COPS8: variants seen among roughly 807,000 people sequenced by gnomAD.
The protein encoded by COPS8 is COP9 signalosome complex subunit 8.
A neutral mutation model predicts 31.5 loss-of-function variants in COPS8; 11 were observed. That is an observed-to-expected ratio of 0.35 (90% confidence interval 0.22 to 0.58). The LOEUF (loss-of-function observed/expected upper bound fraction) is 0.58. Among genes scored for constraint, COPS8 ranks in the 20% least tolerant of loss-of-function variants. The pLI, the probability that COPS8 is intolerant of heterozygous loss-of-function variation, is 0.83. For synonymous variants in COPS8, 81 were observed against 89.3 expected, an observed-to-expected ratio of 0.91 and a Z score of 0.52; for missense variants, 215 against 255.1, an observed-to-expected ratio of 0.84 and a Z score of 1.07.
intron 1 of COPS8, 143 bp from the exon 2 acceptor site, chr2:237,086,984 G>A (rs966500018): frequency 3.4e-6 from 2 of 580,468 alleles, no homozygotes; most frequent in Non-Finnish European, 5.8e-6. Context: ...AGGACTATAA[G>A]ATTACTTATA....
intron 5 of COPS8, 134 bp downstream of exon 5, chr2:237,094,331 A>G: frequency 1.3e-6 from 1 of 789,698 alleles, no homozygotes; most frequent in East Asian, 2.7e-5. Context: ...GAGAGGTGAT[A>G]TGAAACAGGT....
rs114967619 is a variant in COPS8, at chr2:237,098,336, A to T, written c.*594A>T. On this transcript the variant is annotated 3_prime_UTR_variant, in exon 8 of 8. Coordinates refer to ENST00000354371, the MANE Select transcript of COPS8 (RefSeq NM_006710.5). ...TTTTTCCAATAGTGTGAGTATATCCATTGCTGGCAGTGGAGGGCTTGCCAT... is the reference window on the plus strand; with the variant it reads ...TTTTTCCAATAGTGTGAGTATATCCTTTGCTGGCAGTGGAGGGCTTGCCAT... The T allele has an allele frequency of 1.3e-5, 2 of 152,330 alleles. No homozygotes were observed. Among genetic ancestry groups the T allele is most frequent in the South Asian group, 4.1e-4 (2 of 4,844 alleles). The allele number at this position is 152,330 out of a possible 1,614,324, so 9.4% of individuals were successfully genotyped here. A position where few individuals can be genotyped will look rare whatever the true frequency, so the allele number is the denominator to read the frequency against.
intron 4 of COPS8, among the ~76,000 whole-genome samples, chr2:237,091,589 T>G (rs1274053580): frequency 6.6e-6 from 1 of 152,240 alleles, no homozygotes; most frequent in East Asian, 1.9e-4. Context: ...ATTAGAAACT[T>G]ATTTTCTAGT....
rs977447011 is a variant in COPS8, at chr2:237,098,296, T to C, written c.*554T>C. The C allele has an allele frequency of 1.3e-5, 2 of 152,460 alleles. No individual in the cohort carries two copies. Among genetic ancestry groups the C allele is most frequent in the African/African-American group, 4.8e-5 (2 of 41,452 alleles). The allele number at this position is 152,460 out of a possible 1,614,324, so 9.4% of individuals were successfully genotyped here. ...TAGACCATTTCCATACTAAACCAGT[T>C]TGTTAACTTTAGATTTTTTCCAATA... is the stretch of plus-strand genomic sequence containing the variant. On this transcript the variant is annotated 3_prime_UTR_variant, in exon 8 of 8. Coordinates refer to ENST00000354371, the MANE Select transcript of COPS8 (RefSeq NM_006710.5).
At chr2:237,088,495 T>TA in intron 2 of COPS8, 110 bp from the exon 3 acceptor site, 1 of 608,004 alleles carries the variant, frequency 1.6e-6, no homozygotes, top group Non-Finnish European at 2.8e-6. Context: ...TACTTTGTGT[T>TA]ATGTGAAGTA....
Position 237,095,806 on chromosome 2 carries a change from T to C in COPS8, c.440-16T>C. The C allele has an allele frequency of 1.9e-6, 3 of 1,571,924 alleles. No individual in the cohort carries two copies. Among genetic ancestry groups the C allele is most frequent in the Non-Finnish European group, 2.6e-6 (3 of 1,141,516 alleles). The stretch of plus-strand genomic sequence containing the variant: ...TTTATTCTTTCCGGATCTTTATGTG[T>C]AATATACTTTTTTAGGCATATTAGA... On this transcript the variant is annotated splice_polypyrimidine_tract_variant and intron_variant, in intron 5 of 7. Transcript: ENST00000354371.
chr2:237,097,004 C>T (rs551347853), intron 7 of COPS8, 135 bp downstream of exon 7: 11 of 673,134 alleles, frequency 1.6e-5, no homozygotes, highest in Admixed American at 8.8e-5. Flanking sequence ...TTCATAAATG[C>T]GTAGTAATAC....
intron 1 of COPS8, 132 bp downstream of exon 1, chr2:237,086,174 G>T: frequency 1.2e-6 from 1 of 860,808 alleles, no homozygotes; most frequent in African/African-American, 1.7e-5. Flanking sequence ...GGAGGTGGAC[G>T]TGTGGATCCC....
At position 237,090,041 on chromosome 2, in the gene COPS8, C is replaced by T. The variant is rs781254788; in HGVS notation, c.331+47C>T. 7 of 1,584,118 alleles carry T rather than the reference C, an allele frequency of 4.4e-6. No individual in the cohort carries two copies. In the East Asian group the frequency reaches 1.6e-4, roughly 36 times the overall value. ...AAATGAAATTAGATGAGACTTAGTCCCTAAGTGCTGCAGTGTTGAAGTAAT... is the reference window on the plus strand; with the variant it reads ...AAATGAAATTAGATGAGACTTAGTCTCTAAGTGCTGCAGTGTTGAAGTAAT... On this transcript the variant is annotated intron_variant, in intron 4 of 7. Coordinates refer to ENST00000354371, the MANE Select transcript of COPS8 (RefSeq NM_006710.5).
intron 2 of COPS8, among the ~76,000 whole-genome samples, chr2:237,088,183 C>T (rs73083558): frequency 0.027 from 4,128 of 152,206 alleles, 114 homozygotes; most frequent in Middle Eastern, 0.13. Context: ...GAAGCTGTGT[C>T]CCACTGGTAG....
At chr2:237,086,194 C>T in intron 1 of COPS8, 152 bp downstream of exon 1, 2 of 733,468 alleles carry the variant, frequency 2.7e-6, no homozygotes, top group Non-Finnish European at 4.7e-6. Flanking sequence ...CTGACCGCCG[C>T]AACCTGCTCC....
intron 6 of COPS8, 37 bp from the exon 7 acceptor site, chr2:237,096,785 C>G (rs761026407): frequency 1.3e-6 from 2 of 1,538,512 alleles, no homozygotes; most frequent in South Asian, 2.3e-5. Flanking sequence ...ACAATGACTT[C>G]TGTAAATTGA....
intron 1 of COPS8, chr2:237,086,837 G>A: frequency 1.9e-6 from 1 of 516,722 alleles, no homozygotes; most frequent in South Asian, 7.6e-5. Context: ...TGGGGAAGGG[G>A]ATCCACTTAC....
At chr2:237,088,224 G>A (rs1696653246) in intron 2 of COPS8, among the ~76,000 whole-genome samples, 1 of 152,160 alleles carries the variant, frequency 6.6e-6, no homozygotes, top group Non-Finnish European at 1.5e-5. Context: ...GAAGTGTTGT[G>A]TACCAGGCTT....
At chr2:237,097,545 A>G (rs1414698860) in intron 7 of COPS8, 118 bp from the exon 8 acceptor site, 1 of 684,906 alleles carries the variant, frequency 1.5e-6, no homozygotes, top group Non-Finnish European at 2.5e-6. Context: ...ACCAGGACAA[A>G]TCTAAGAAAG....
intron 1 of COPS8, 35 bp downstream of exon 1, chr2:237,086,077 A>C: frequency 6.3e-7 from 1 of 1,580,336 alleles, no homozygotes; most frequent in Non-Finnish European, 8.7e-7. Context: ...GAAACTGCGG[A>C]GTAGTCTTAG....
Position 237,085,972 on chromosome 2 carries a change from T to C in COPS8, c.8T>C (p.Val3Ala). The change falls in exon 1 of 8, where the codon GTG becomes GCG. Residue 3 changes from valine to alanine, a missense_variant. By Grantham distance (64) the Val-to-Ala change is moderately conservative. Transcript: ENST00000354371. ...GCGAGGCCGGCCGCGAAGATGCCAGTGGCGGTGATGGCGGAAAGCGCCTTT... is the reference window on the plus strand; with the variant it reads ...GCGAGGCCGGCCGCGAAGATGCCAGCGGCGGTGATGGCGGAAAGCGCCTTT... The part of the protein sequence containing the change: MP[V>A]AVMAESAFSF... The C allele has an allele frequency of 6.2e-7, 1 of 1,610,702 alleles. No homozygotes were observed.
chr2:237,098,492 CA>C lies in COPS8; in HGVS notation c.*752del, dbSNP rs1696843060. The C allele has an allele frequency of 6.6e-6, 1 of 152,210 alleles. No homozygotes were observed. The highest frequency in any genetic ancestry group is 2.4e-5 in the African/African-American group (1 of 41,452). 9.4% of individuals were successfully genotyped at this position (152,210 alleles called of 1,614,324 possible). On this transcript the variant is annotated 3_prime_UTR_variant, in exon 8 of 8. Transcript: ENST00000354371. ...ATGAAGATACATGATACACTTTGTA[CA>C]ACTATCCTGCAGCCCATTGGTTGCT...
At chr2:237,094,247 T>G (rs779821641) in intron 5 of COPS8, 50 bp downstream of exon 5, 2 of 1,539,918 alleles carry the variant, frequency 1.3e-6, no homozygotes, top group Non-Finnish European at 1.8e-6. Context: ...AATAGAAGTG[T>G]GAATTGTAGG....
Sources: gnomAD v4.1 joint callset for allele counts (sites outside exome capture counted in the v4.1 genomes callset) on GRCh38, gnomAD v4.1.1 for gene constraint, MANE v1.5 for transcripts, NCBI Gene and HGNC (gene_info 2026-07-23, HGNC 2026-07-21) for gene names.